The following WDR25 variants were observed in gnomAD, a reference collection of about 807,000 sequenced individuals.
WDR25 encodes WD repeat domain 25, also known as WD repeat-containing protein 25.
In WDR25, 35 loss-of-function variants were observed where a neutral mutation model predicts 47.7. The ratio of observed to expected loss-of-function variants is 0.73; its 90% CI spans 0.56 to 0.97. The LOEUF (loss-of-function observed/expected upper bound fraction) is 0.97, where lower values mean the gene tolerates loss of function less well. WDR25 is among the 50% of genes least tolerant of loss of function. The probability of loss-of-function intolerance (pLI) is 0.00; values close to 1 mark genes in which losing one functional copy is unlikely to be tolerated. For missense variants in WDR25, 634 were observed against 704.7 expected, an observed-to-expected ratio of 0.90 and a Z score of 1.14; for synonymous variants, 248 against 278.9, an observed-to-expected ratio of 0.89 and a Z score of 1.10.
intron 1 of WDR25, among the ~76,000 whole-genome samples, chr14:100,379,144 T>C (rs1896807509): frequency 6.6e-6 from 1 of 152,154 alleles, no homozygotes; most frequent in Non-Finnish European, 1.5e-5. Context: ...GATGAGCATA[T>C]GTTCTCACTT....
rs1225532495 is a variant in WDR25 at position 100,468,529 on chromosome 14, T to G, written c.970+361T>G. Among the ~76,000 whole-genome samples, 1 of 152,250 alleles carries G rather than the reference T, an allele frequency of 6.6e-6. No homozygotes were observed. The highest frequency in any genetic ancestry group is 1.5e-5 in the Non-Finnish European group (1 of 68,040). ...TTGGTTGGAATCAGGTTAGAATTCC[T>G]GTCAATTCATTATCGTTGAAAGTCT... is the stretch of plus-strand genomic sequence containing the variant. On this transcript the variant is annotated intron_variant, in intron 3 of 6. Coordinates refer to ENST00000402312, the MANE Select transcript of WDR25 (RefSeq NM_001161476.3). The surrounding 1 kb of genome is among the most constrained non-coding windows in gnomAD (Gnocchi z 4.5).
At chr14:100,413,435 A>G (rs914330265) in intron 2 of WDR25, among the ~76,000 whole-genome samples, 1 of 147,088 alleles carries the variant, frequency 6.8e-6, no homozygotes, top group African/African-American at 2.5e-5. Flanking sequence ...TTTTTTTGAG[A>G]CGGAGTCTCG....
intron 4 of WDR25, among the ~76,000 whole-genome samples, chr14:100,520,445 TTC>T (rs1901680908): frequency 6.6e-6 from 1 of 152,172 alleles, no homozygotes; most frequent in African/African-American, 2.4e-5. Context: ...TTTCTTGCAG[TTC>T]TCTTTGTTCA....
intron 4 of WDR25, among the ~76,000 whole-genome samples, chr14:100,485,241 A>C (rs1900344961): frequency 6.6e-6 from 1 of 151,772 alleles, no homozygotes; most frequent in Non-Finnish European, 1.5e-5. Context: ...CCCCCTGCCC[A>C]AAACCCACTA....
In WDR25 at chr14:100,505,305, G is replaced by A. The variant is rs1901074235; in HGVS notation, c.1102-20565G>A. Among the ~76,000 whole-genome samples, 3 of 152,116 alleles carry A rather than the reference G, an allele frequency of 2.0e-5. No homozygotes were observed. In the South Asian group the frequency reaches 6.2e-4, roughly 32 times the overall value. On this transcript the variant is annotated intron_variant, in intron 4 of 6. Coordinates refer to ENST00000402312, the MANE Select transcript of WDR25 (RefSeq NM_001161476.3). The stretch of plus-strand genomic sequence containing the variant: ...CAGTTATTTATTTCTTTTGCTATGT[G>A]GGATACCCAGTTGTTTTGGCAGCAT...
At chr14:100,413,692 C>A (rs1002656518) in intron 2 of WDR25, among the ~76,000 whole-genome samples, 2 of 152,284 alleles carry the variant, frequency 1.3e-5, no homozygotes, top group Non-Finnish European at 1.5e-5. Context: ...GGATTACAGG[C>A]GTGAGCCACC....
At position 100,527,063 on chromosome 14, in the gene WDR25, C is replaced by T. The variant is rs558618606; in HGVS notation, c.1272+1023C>T. Among the ~76,000 whole-genome samples, 25 of 142,238 alleles carry T rather than the reference C, an allele frequency of 1.8e-4. No homozygotes were observed. The East Asian group carries it at 2.7e-3, about 15-fold the overall frequency. 93.3% of individuals were successfully genotyped at this position (142,238 alleles called of 152,430 possible). ...ACCACTCTATCACCACCACCATCTCCGTCACTACCACCAACTGTATCACCA... is the reference window on the plus strand; with the variant it reads ...ACCACTCTATCACCACCACCATCTCTGTCACTACCACCAACTGTATCACCA... On this transcript the variant is annotated intron_variant, in intron 5 of 6. Transcript: ENST00000402312.
intron 4 of WDR25, among the ~76,000 whole-genome samples, chr14:100,491,473 C>G (rs1900562695): frequency 6.6e-6 from 1 of 152,226 alleles, no homozygotes; most frequent in South Asian, 2.1e-4. Context: ...AAATTCCTGT[C>G]ACCTAGTGAT....
intron 4 of WDR25, among the ~76,000 whole-genome samples, chr14:100,486,259 T>C (rs144490853): frequency 2.0e-4 from 31 of 152,240 alleles, no homozygotes; most frequent in African/African-American, 6.7e-4. Context: ...AAGAAATTAC[T>C]CACCAAGGAC....
At chr14:100,507,544 G>A (rs746164112) in intron 4 of WDR25, among the ~76,000 whole-genome samples, 3 of 151,690 alleles carry the variant, frequency 2.0e-5, no homozygotes, top group Non-Finnish European at 4.4e-5. Flanking sequence ...AGCACGGAAT[G>A]GTTTTCTATT....
In WDR25 at chr14:100,467,234, T is replaced by A. The variant is rs1010061008; in HGVS notation, c.823-787T>A. 2.6e-5 allele frequency among the ~76,000 whole-genome samples: 4 copies of A among 152,154 alleles called. No homozygotes were observed. In the South Asian group the frequency reaches 6.2e-4, roughly 24 times the overall value. On this transcript the variant is annotated intron_variant, in intron 2 of 6. Coordinates refer to ENST00000402312, the MANE Select transcript of WDR25 (RefSeq NM_001161476.3). ...GATCTCTGTCTTACAGCAGAACCCA[T>A]GAAAATAGCCTGGACTTGGGCAGTG...
At chr14:100,417,079 G>A (rs1897888818) in intron 2 of WDR25, among the ~76,000 whole-genome samples, 1 of 152,180 alleles carries the variant, frequency 6.6e-6, no homozygotes, top group African/African-American at 2.4e-5. Flanking sequence ...TCCCTCCAGG[G>A]GCAATCCAAC....
At chr14:100,489,665 G>A (rs1344578558) in intron 4 of WDR25, among the ~76,000 whole-genome samples, 1 of 152,190 alleles carries the variant, frequency 6.6e-6, no homozygotes, top group Non-Finnish European at 1.5e-5. Flanking sequence ...CCTGCAGCTG[G>A]CAGCCTGGAC....
At chr14:100,462,683 C>T (rs546990788) in intron 2 of WDR25, among the ~76,000 whole-genome samples, 1 of 152,298 alleles carries the variant, frequency 6.6e-6, no homozygotes, top group South Asian at 2.1e-4. Flanking sequence ...AGAATTCAAA[C>T]ATTCCAGTTT....
At chr14:100,376,909 GACGCTGGGCATTGAATAGTGAACAAA>G in intron 1 of WDR25, 5 of 381,564 alleles carry the variant, frequency 1.3e-5, no homozygotes, top group Middle Eastern at 1.7e-3. Flanking sequence ...AATATTTTTA[GACGCTGGGCATTGAATAGTGAACAAA>G]ACACAGAAAG....
At chr14:100,527,024 G>GCACCACCACCATCACCACTCTAT (rs2030203435) in intron 5 of WDR25, among the ~76,000 whole-genome samples, 1 of 2,490 alleles carries the variant, frequency 4.0e-4, no homozygotes, top group Non-Finnish European at 5.8e-4. Context: ...CTTTATTGCT[G>GCACCACCACCATCACCACTCTAT]CACCACCACC....
chr14:100,468,289 G>C lies in WDR25; in HGVS notation c.970+121G>C. The C allele has an allele frequency of 7.0e-7, 1 of 1,426,120 alleles. No homozygotes were observed. Among genetic ancestry groups the C allele is most frequent in the Non-Finnish European group, 9.4e-7 (1 of 1,066,726 alleles). The allele number at this position is 1,426,120 out of a possible 1,614,324, so 88.3% of individuals were successfully genotyped here. A position where few individuals can be genotyped will look rare whatever the true frequency, so the allele number is the denominator to read the frequency against. On this transcript the variant is annotated intron_variant, in intron 3 of 6. Coordinates refer to ENST00000402312, the MANE Select transcript of WDR25 (RefSeq NM_001161476.3). This position sits in a 1 kb window ranked among gnomAD's most constrained non-coding sequence, Gnocchi z 4.5. ...GCGTGGCAGAGGGAGAGGGGCCTCA[G>C]GGTGGGCTCGTGCTCGGTGAGAGGG... is the stretch of plus-strand genomic sequence containing the variant.
chr14:100,401,210 C>A (rs1191466446), intron 2 of WDR25, among the ~76,000 whole-genome samples: 1 of 152,198 alleles, frequency 6.6e-6, no homozygotes, highest in Non-Finnish European at 1.5e-5. Context: ...GAGACCTCCC[C>A]CTCCCCGTGG....
intron 4 of WDR25, among the ~76,000 whole-genome samples, chr14:100,524,952 T>C (rs116628813): frequency 0.01 from 1,581 of 152,304 alleles, 26 homozygotes; most frequent in African/African-American, 0.036. Flanking sequence ...TGAACTCCAA[T>C]TAAAAAGTCA....
Sources: allele counts gnomAD v4.1 joint callset (sites outside exome capture counted in the v4.1 genomes callset), GRCh38; gene constraint gnomAD v4.1.1; non-coding constraint Gnocchi (gnomAD v3.1); transcripts MANE v1.5; gene names NCBI Gene and HGNC (gene_info 2026-07-23, HGNC 2026-07-21).